PARD3B: variants seen among roughly 807,000 people sequenced by gnomAD.
The protein encoded by PARD3B is partitioning defective 3 homolog B.
In PARD3B, 103 loss-of-function variants were observed where a neutral mutation model predicts 130.2. That is an observed-to-expected ratio of 0.79 (90% CI 0.67 to 0.93). PARD3B has a LOEUF of 0.93. Among genes scored for constraint, PARD3B ranks in the 40% least tolerant of loss-of-function variants. The pLI is 0.00. For missense variants in PARD3B, 1,609 were observed against 1,499.2 expected (o/e 1.07, Z -1.21); for synonymous variants, 583 against 553.2 (o/e 1.05, Z -0.76).
At position 205,575,301 on chromosome 2, in the gene PARD3B, C is replaced by T. The variant is rs1007821434; in HGVS notation, c.3260+21898C>T. Among the ~76,000 whole-genome samples, 2 of 152,118 alleles carry T rather than the reference C, an allele frequency of 1.3e-5. No homozygotes were observed. Among genetic ancestry groups the T allele is most frequent in the African/African-American group, 2.4e-5 (1 of 41,500 alleles). On this transcript the variant is annotated intron_variant, in intron 22 of 22. Coordinates refer to ENST00000406610, the MANE Select transcript of PARD3B (RefSeq NM_001302769.2). The surrounding 1 kb of genome is among the most constrained non-coding windows in gnomAD (Gnocchi z 4.6). ...CATAAACCTGCCACCTCAACACATG[C>T]GTAACTTCCCTCATTACCAACATTC...
chr2:204,798,456 C>G (rs1375623801), intron 2 of PARD3B, among the ~76,000 whole-genome samples: 1 of 152,144 alleles, frequency 6.6e-6, no homozygotes, highest in Admixed American at 6.6e-5. Context: ...GAAAGGCAGT[C>G]TAGGCCACAA....
chr2:205,559,590 T>A (rs2053049895), intron 22 of PARD3B, among the ~76,000 whole-genome samples: 1 of 136,316 alleles, frequency 7.3e-6, no homozygotes, highest in African/African-American at 2.7e-5. Context: ...TCAATAGAAG[T>A]CCAGACTTTT....
At position 205,397,463 on chromosome 2, in the gene PARD3B, G is replaced by A. The variant is rs2046074035; in HGVS notation, c.2631-3550G>A. On this transcript the variant is annotated intron_variant, in intron 18 of 22. Transcript: ENST00000406610. This position sits in a 1 kb window ranked among gnomAD's most constrained non-coding sequence, Gnocchi z 4.8. ...CCAAACATATTCCACTGTGAGGGAA[G>A]GATAATGAGCTATTGCTGAACTGCA... 6.6e-6 allele frequency among the ~76,000 whole-genome samples: 1 copy of A among 152,080 alleles called. No individual in the cohort carries two copies. Among genetic ancestry groups the A allele is most frequent in the Non-Finnish European group, 1.5e-5 (1 of 68,014 alleles).
intron 2 of PARD3B, among the ~76,000 whole-genome samples, chr2:204,825,702 A>G (rs1465115756): frequency 2.0e-5 from 3 of 152,314 alleles, no homozygotes; most frequent in Non-Finnish European, 4.4e-5. Flanking sequence ...ATTCTCCTAT[A>G]TATAGTTTCC....
At chr2:204,903,251 T>A (rs1368503401) in intron 2 of PARD3B, among the ~76,000 whole-genome samples, 2 of 152,138 alleles carry the variant, frequency 1.3e-5, no homozygotes, top group African/African-American at 4.8e-5. Context: ...TCAAACCAAT[T>A]AGGAACAGCT....
intron 22 of PARD3B, among the ~76,000 whole-genome samples, chr2:205,603,945 T>C (rs1033786315): frequency 5.3e-5 from 8 of 152,208 alleles, no homozygotes; most frequent in African/African-American, 1.4e-4. Flanking sequence ...ACAGTGTCAT[T>C]GGTCTGTGTA....
intron 2 of PARD3B, among the ~76,000 whole-genome samples, chr2:204,922,456 A>AT (rs1050744212): frequency 7.9e-5 from 12 of 151,596 alleles, no homozygotes; most frequent in Non-Finnish European, 1.8e-4. Context: ...AATGTAAGAA[A>AT]TTTTTTTTTC....
At chr2:205,317,125 C>A (rs1479626517) in intron 18 of PARD3B, among the ~76,000 whole-genome samples, 1 of 152,136 alleles carries the variant, frequency 6.6e-6, no homozygotes, top group Non-Finnish European at 1.5e-5. Flanking sequence ...CCAGAGCATC[C>A]TTGAATTACA....
At chr2:205,194,446 C>T (rs1225124508) in intron 15 of PARD3B, among the ~76,000 whole-genome samples, 1 of 152,154 alleles carries the variant, frequency 6.6e-6, no homozygotes, top group Non-Finnish European at 1.5e-5. Flanking sequence ...AAGCGTGAAC[C>T]TTTGACAAAC....
Position 205,453,033 on chromosome 2 carries a change from G to A in PARD3B, c.3044+12361G>A, listed in dbSNP as rs116547751. On this transcript the variant is annotated intron_variant, in intron 20 of 22. Coordinates refer to ENST00000406610, the MANE Select transcript of PARD3B (RefSeq NM_001302769.2). ...TAACTAATTCTGTTTACTAAGAAGA[G>A]GTTGGAAGGTATATGCAGAATTTCT... Among the ~76,000 whole-genome samples, 586 of 152,306 alleles carry A rather than the reference G, an allele frequency of 3.8e-3. 6 individuals are homozygous for A. Among genetic ancestry groups the A allele is most frequent in the African/African-American group, 0.013 (543 of 41,546 alleles).
chr2:205,545,728 AC>A (rs2052352555), intron 21 of PARD3B, among the ~76,000 whole-genome samples: 1 of 152,158 alleles, frequency 6.6e-6, no homozygotes, highest in Non-Finnish European at 1.5e-5. Context: ...AAACTGGAAA[AC>A]ATGTTAATTT....
Position 205,405,048 on chromosome 2 carries a change from T to G in PARD3B, c.2741+3925T>G, listed in dbSNP as rs1185317213. On this transcript the variant is annotated intron_variant, in intron 19 of 22. Transcript: ENST00000406610. The surrounding 1 kb of genome is among the most constrained non-coding windows in gnomAD (Gnocchi z 4.1). ...TATCTCATTTTAAGTTATCTACATA[T>G]CTAATTCCTGATCCGAAACCATTTT... Among the ~76,000 whole-genome samples the G allele has an allele frequency of 6.6e-6, 1 of 152,060 alleles. No individual in the cohort carries two copies. Among genetic ancestry groups the G allele is most frequent in the Non-Finnish European group, 1.5e-5 (1 of 67,956 alleles).
At chr2:205,410,775 A>G (rs866922210) in intron 19 of PARD3B, among the ~76,000 whole-genome samples, 2 of 152,186 alleles carry the variant, frequency 1.3e-5, no homozygotes, top group Admixed American at 6.5e-5. Context: ...CATTTGTTAT[A>G]TCCTGCTTTG....
chr2:204,773,743 C>G (rs1214546375), intron 2 of PARD3B, among the ~76,000 whole-genome samples: 2 of 152,002 alleles, frequency 1.3e-5, no homozygotes, highest in Non-Finnish European at 2.9e-5. Flanking sequence ...CGTTTTGGAC[C>G]AGTGCAGTAG....
At chr2:205,025,741 C>T (rs1033985349) in intron 3 of PARD3B, among the ~76,000 whole-genome samples, 5 of 152,096 alleles carry the variant, frequency 3.3e-5, no homozygotes, top group African/African-American at 4.8e-5. Flanking sequence ...TTAATACCAG[C>T]CCGGTTCTGA....
chr2:204,932,003 A>G (rs1688070555), intron 2 of PARD3B, among the ~76,000 whole-genome samples: 2 of 152,094 alleles, frequency 1.3e-5, no homozygotes, highest in South Asian at 4.1e-4. Context: ...GAGACAATCT[A>G]ATAGACATAT....
intron 18 of PARD3B, among the ~76,000 whole-genome samples, chr2:205,323,380 G>T (rs10181635): frequency 0.012 from 1,892 of 152,188 alleles, 38 homozygotes; most frequent in African/African-American, 0.042. Context: ...GAGAATCCAC[G>T]TGCAGTTACA....
intron 18 of PARD3B, among the ~76,000 whole-genome samples, chr2:205,372,233 G>T (rs2044849209): frequency 6.6e-6 from 1 of 152,194 alleles, no homozygotes; most frequent in African/African-American, 2.4e-5. Flanking sequence ...AGAACTGCAA[G>T]ACCATTTGCC....
rs2105896304 is a variant in PARD3B at position 205,366,719 on chromosome 2, A to AT, written c.2631-34293dup. Among the ~76,000 whole-genome samples, 1 of 152,252 alleles carries AT rather than the reference A, an allele frequency of 6.6e-6. No individual in the cohort carries two copies. Among genetic ancestry groups the AT allele is most frequent in the South Asian group, 2.1e-4 (1 of 4,818 alleles). On this transcript the variant is annotated intron_variant, in intron 18 of 22. Transcript: ENST00000406610. This position sits in a 1 kb window ranked among gnomAD's most constrained non-coding sequence, Gnocchi z 5.0. ...AACCTCAGTGGACAGAGCAGCCAAGATATCAGGCACTCAGGCACCAAGCAT... is the reference window on the plus strand; with the variant it reads ...AACCTCAGTGGACAGAGCAGCCAAGATTATCAGGCACTCAGGCACCAAGCAT...
Sources: allele counts gnomAD v4.1 joint callset (sites outside exome capture counted in the v4.1 genomes callset), GRCh38; gene constraint gnomAD v4.1.1; non-coding constraint Gnocchi (gnomAD v3.1); transcripts MANE v1.5; gene names NCBI Gene and HGNC (gene_info 2026-07-23, HGNC 2026-07-21).